Variants in RAD51B observed in about 807,000 individuals in gnomAD.
RAD51B encodes the protein DNA repair protein RAD51 homolog 2.
RAD51B carries 38 observed loss-of-function variants against 42.2 expected under a neutral mutation model. The observed-to-expected ratio is 0.90, with a 90% CI of 0.70 to 1.18. The LOEUF (loss-of-function observed/expected upper bound fraction) is 1.18, where lower values mean the gene tolerates loss of function less well. RAD51B is among the 50% of genes most tolerant of loss of function. The pLI is 0.00. For synonymous variants in RAD51B, 154 were observed against 145.2 expected, an observed-to-expected ratio of 1.06 and a Z score of -0.43; for missense variants, 373 against 400.7, an observed-to-expected ratio of 0.93 and a Z score of 0.59.
chr14:68,069,159 A>G (rs1165039111), intron 7 of RAD51B, among the ~76,000 whole-genome samples: 1 of 152,136 alleles, frequency 6.6e-6, no homozygotes, highest in East Asian at 1.9e-4. Flanking sequence ...TTTTTAGGCT[A>G]CTGAGCAGGG....
chr14:67,939,746 C>T (rs950318517), intron 7 of RAD51B, among the ~76,000 whole-genome samples: 1 of 151,856 alleles, frequency 6.6e-6, no homozygotes, highest in African/African-American at 2.4e-5. Context: ...ATGGCTGTTC[C>T]CATCACAGGG....
chr14:68,678,200 TC>T (rs1265724481), intron 11 of RAD51B, among the ~76,000 whole-genome samples: 1 of 152,204 alleles, frequency 6.6e-6, no homozygotes. Context: ...ACCACCTCGT[TC>T]AGTCCATGTC....
chr14:68,046,535 TG>T (rs1376535269), intron 7 of RAD51B, among the ~76,000 whole-genome samples: 2 of 152,198 alleles, frequency 1.3e-5, no homozygotes, highest in African/African-American at 4.8e-5. Context: ...ACCCAGGAAT[TG>T]GAGGCCAGCC....
At chr14:68,463,852 G>C (rs1176016413) in intron 9 of RAD51B, among the ~76,000 whole-genome samples, 1 of 152,170 alleles carries the variant, frequency 6.6e-6, no homozygotes, top group Non-Finnish European at 1.5e-5. Context: ...CATCAGGCAT[G>C]GTTTCCTGGG....
chr14:68,321,004 T>C (rs1305932214), intron 8 of RAD51B, among the ~76,000 whole-genome samples: 4 of 152,196 alleles, frequency 2.6e-5, no homozygotes, highest in Non-Finnish European at 4.4e-5. Flanking sequence ...TGCAGAAGTA[T>C]AGAAACCTCC....
At chr14:68,670,796 G>A (rs1201464295) in intron 11 of RAD51B, among the ~76,000 whole-genome samples, 2 of 152,212 alleles carry the variant, frequency 1.3e-5, no homozygotes, top group African/African-American at 2.4e-5. Context: ...TGAAGATAGA[G>A]ACACAAATAT....
chr14:68,014,775 T>C (rs1002253209), intron 7 of RAD51B, among the ~76,000 whole-genome samples: 2 of 151,396 alleles, frequency 1.3e-5, no homozygotes, highest in African/African-American at 4.9e-5. Context: ...ATGAACTGAT[T>C]ACATTGATTG....
intron 7 of RAD51B, among the ~76,000 whole-genome samples, chr14:67,919,650 A>G (rs2044260258): frequency 6.6e-6 from 1 of 152,166 alleles, no homozygotes; most frequent in African/African-American, 2.4e-5. Flanking sequence ...GCCTTGAGTT[A>G]CTTTTCACTG....
chr14:68,608,713 T>C (rs1273015564), intron 10 of RAD51B, among the ~76,000 whole-genome samples: 4 of 152,164 alleles, frequency 2.6e-5, no homozygotes, highest in Non-Finnish European at 4.4e-5. Context: ...GGAGTGGGGT[T>C]AAGTGAGCAT....
chr14:68,099,271 A>C (rs2077248460), intron 7 of RAD51B, among the ~76,000 whole-genome samples: 1 of 152,174 alleles, frequency 6.6e-6, no homozygotes, highest in Non-Finnish European at 1.5e-5. Context: ...TTTAATCATG[A>C]TGCTCAGGGA....
rs560459763 is a variant in RAD51B at position 68,581,051 on chromosome 14, A to AT, written c.1037-13425dup. 5.2e-3 allele frequency among the ~76,000 whole-genome samples: 782 copies of AT among 151,308 alleles called. 6 individuals are homozygous for AT. Among genetic ancestry groups the AT allele is most frequent in the Non-Finnish European group, 6.8e-3 (463 of 67,750 alleles). On this transcript the variant is annotated intron_variant, in intron 10 of 10. Transcript: ENST00000487270. ...AGTAGAATTGCAACTGTAATGTAGGATTTTTTTTTAGGAGAAGGGATAGAT... is the reference window on the plus strand; with the variant it reads ...AGTAGAATTGCAACTGTAATGTAGGATTTTTTTTTTAGGAGAAGGGATAGAT...
At chr14:68,110,665 G>C (rs1487333975) in intron 7 of RAD51B, among the ~76,000 whole-genome samples, 2 of 151,956 alleles carry the variant, frequency 1.3e-5, no homozygotes, top group African/African-American at 4.8e-5. Flanking sequence ...TTATCTATAA[G>C]TTAATACATG....
At chr14:67,956,871 A>C (rs997105782) in intron 7 of RAD51B, among the ~76,000 whole-genome samples, 1 of 152,248 alleles carries the variant, frequency 6.6e-6, no homozygotes, top group Non-Finnish European at 1.5e-5. Context: ...CAGCATAGAT[A>C]GTGAGCATTT....
At chr14:68,070,592 G>A (rs1320678480) in intron 7 of RAD51B, among the ~76,000 whole-genome samples, 1 of 152,088 alleles carries the variant, frequency 6.6e-6, no homozygotes, top group African/African-American at 2.4e-5. Context: ...AGTTGTAGGT[G>A]TGTGGATTTA....
chr14:68,275,794 CCACACACACACACACACACACACACA>C (rs10641411), intron 7 of RAD51B, among the ~76,000 whole-genome samples: 2 of 141,268 alleles, frequency 1.4e-5, no homozygotes, highest in Non-Finnish European at 3.1e-5. Flanking sequence ...AACTAGCTCT[CCACACACACACACACACACACACACA>C]CACACACACA....
intron 10 of RAD51B, among the ~76,000 whole-genome samples, chr14:68,539,019 A>T (rs1188845943): frequency 6.6e-6 from 1 of 152,224 alleles, no homozygotes; most frequent in East Asian, 1.9e-4. Flanking sequence ...TCCCTCAAAG[A>T]AAGTTTTTTT....
At chr14:68,377,134 T>A (rs2083386845) in intron 8 of RAD51B, among the ~76,000 whole-genome samples, 1 of 152,216 alleles carries the variant, frequency 6.6e-6, no homozygotes, top group Admixed American at 6.5e-5. Flanking sequence ...ACTAGAGGCT[T>A]TAGCCTTTAC....
chr14:68,547,019 T>C (rs565527074), intron 10 of RAD51B, among the ~76,000 whole-genome samples: 23 of 152,346 alleles, frequency 1.5e-4, no homozygotes, highest in African/African-American at 5.5e-4. Flanking sequence ...TTTCATGATG[T>C]TCTCAGCTTG....
At chr14:68,313,688 T>C (rs1181271912) in intron 8 of RAD51B, among the ~76,000 whole-genome samples, 2 of 152,178 alleles carry the variant, frequency 1.3e-5, no homozygotes, top group Non-Finnish European at 2.9e-5. Flanking sequence ...TGTCATCCTA[T>C]CATAGAGATG....
Sources: allele counts gnomAD v4.1 joint callset (sites outside exome capture counted in the v4.1 genomes callset), GRCh38; gene constraint gnomAD v4.1.1; transcripts MANE v1.5; gene names NCBI Gene and HGNC (gene_info 2026-07-23, HGNC 2026-07-21).